RARB: variants seen among roughly 807,000 people sequenced by gnomAD.
RARB encodes the protein retinoic acid receptor beta, also known as HBV-activated protein.
A neutral mutation model predicts 51.9 loss-of-function variants in RARB; 17 were observed. The observed-to-expected ratio is 0.33, with a 90% CI of 0.22 to 0.49. The LOEUF is 0.49. Among genes scored for constraint, RARB ranks in the 20% least tolerant of loss-of-function variants. The pLI is 0.99. For synonymous variants in RARB, 215 were observed against 195.4 expected, an observed-to-expected ratio of 1.10 and a Z score of -0.84; for missense variants, 369 against 550.8, an observed-to-expected ratio of 0.67 and a Z score of 3.30.
chr3:25,545,085 C>T (rs1212113080), intron 3 of RARB, among the ~76,000 whole-genome samples: 1 of 152,086 alleles, frequency 6.6e-6, no homozygotes, highest in Non-Finnish European at 1.5e-5. Flanking sequence ...CCTCAGCCTC[C>T]AAAGTAGCCA....
chr3:25,246,411 T>C (rs897624982), intron 5 of RARB, among the ~76,000 whole-genome samples: 1 of 152,208 alleles, frequency 6.6e-6, no homozygotes, highest in African/African-American at 2.4e-5. Context: ...TTCTGGTTTT[T>C]GGAATTTTCC....
chr3:25,163,352 A>C (rs556573236), intron 4 of RARB, among the ~76,000 whole-genome samples: 1 of 151,886 alleles, frequency 6.6e-6, no homozygotes, highest in East Asian at 1.9e-4. Flanking sequence ...AAAAAAATAA[A>C]AAATTAGTTG....
intron 4 of RARB, among the ~76,000 whole-genome samples, chr3:25,576,440 A>G (rs938726932): frequency 2.6e-5 from 4 of 152,106 alleles, no homozygotes; most frequent in African/African-American, 9.7e-5. Flanking sequence ...GACATCCTCT[A>G]GGGCCTTGGA....
intron 2 of RARB, among the ~76,000 whole-genome samples, chr3:24,905,427 G>C (rs1694841077): frequency 6.6e-6 from 1 of 152,108 alleles, no homozygotes. Context: ...TTCTCACACT[G>C]CTCATCCTTC....
chr3:25,080,019 C>G (rs77805204), intron 3 of RARB, among the ~76,000 whole-genome samples: 2 of 152,152 alleles, frequency 1.3e-5, no homozygotes, highest in Non-Finnish European at 2.9e-5. Flanking sequence ...CAATGTTGTA[C>G]AACCATCATC....
At chr3:25,244,315 A>G (rs1385750270) in intron 5 of RARB, among the ~76,000 whole-genome samples, 3 of 146,762 alleles carry the variant, frequency 2.0e-5, no homozygotes, top group South Asian at 2.1e-4. Context: ...ATCTCCTTCA[A>G]TTCTGCTCTG....
chr3:24,968,271 C>A (rs886569993), intron 2 of RARB, among the ~76,000 whole-genome samples: 1 of 152,098 alleles, frequency 6.6e-6, no homozygotes, highest in African/African-American at 2.4e-5. Context: ...CCTCATAAAT[C>A]AGTTTTAAAG....
chr3:25,269,786 T>C (rs1254345998), intron 5 of RARB, among the ~76,000 whole-genome samples: 7 of 152,212 alleles, frequency 4.6e-5, no homozygotes, highest in Non-Finnish European at 1.0e-4. Flanking sequence ...AAAACATCTT[T>C]GTTAACAAAA....
intron 2 of RARB, among the ~76,000 whole-genome samples, chr3:25,000,987 A>G (rs914265192): frequency 1.3e-5 from 2 of 152,126 alleles, no homozygotes; most frequent in Admixed American, 1.3e-4. Context: ...AATTGAGCAG[A>G]ATTTGAAAGA....
intron 3 of RARB, among the ~76,000 whole-genome samples, chr3:25,555,239 C>CTAAAACACT: frequency 6.6e-6 from 1 of 152,288 alleles, no homozygotes; most frequent in Non-Finnish European, 1.5e-5. Context: ...TCCCTGATAT[C>CTAAAACACT]TAAAACACTT....
At chr3:25,296,942 G>A (rs747192888) in intron 5 of RARB, among the ~76,000 whole-genome samples, 3 of 152,186 alleles carry the variant, frequency 2.0e-5, no homozygotes, top group Admixed American at 6.5e-5. Flanking sequence ...TGGGCAGTCC[G>A]TGAGGCTCGT....
intron 3 of RARB, among the ~76,000 whole-genome samples, chr3:25,531,238 C>T (rs1698892082): frequency 6.6e-6 from 1 of 152,102 alleles, no homozygotes; most frequent in Non-Finnish European, 1.5e-5. Flanking sequence ...ATTCCGAAGA[C>T]CTGTGAACCA....
At chr3:24,931,604 G>A (rs1695441502) in intron 2 of RARB, among the ~76,000 whole-genome samples, 2 of 152,102 alleles carry the variant, frequency 1.3e-5, no homozygotes. Context: ...GTACAGCAAA[G>A]TGTGTGGTAC....
At chr3:25,458,166 A>G (rs1294606925) in intron 1 of RARB, 1 of 152,382 alleles carries the variant, frequency 6.6e-6, no homozygotes, top group East Asian at 1.9e-4. Context: ...TTTGAAGGAA[A>G]TAAAGATGTG....
intron 3 of RARB, among the ~76,000 whole-genome samples, chr3:25,560,296 CCT>C (rs1700220876): frequency 1.3e-5 from 2 of 152,150 alleles, no homozygotes; most frequent in Non-Finnish European, 2.9e-5. Context: ...GATATAAACA[CCT>C]ATATCTACAT....
chr3:24,837,961 G>A (rs1702365004), intron 1 of RARB, among the ~76,000 whole-genome samples: 1 of 152,120 alleles, frequency 6.6e-6, no homozygotes, highest in South Asian at 2.1e-4. Context: ...GTCCAGACAG[G>A]CTTACCAGGC....
intron 3 of RARB, among the ~76,000 whole-genome samples, chr3:25,567,387 A>G (rs542501148): frequency 1.3e-5 from 2 of 152,182 alleles, no homozygotes; most frequent in East Asian, 3.9e-4. Flanking sequence ...CATCCATATA[A>G]TTTAGAATCA....
intron 4 of RARB, among the ~76,000 whole-genome samples, chr3:25,161,868 C>T (rs1243832242): frequency 6.6e-6 from 1 of 152,184 alleles, no homozygotes; most frequent in Non-Finnish European, 1.5e-5. Flanking sequence ...CGACCTAACC[C>T]TGGCAGAGCC....
At chr3:25,237,549 G>T (rs1702333016) in intron 5 of RARB, among the ~76,000 whole-genome samples, 1 of 151,998 alleles carries the variant, frequency 6.6e-6, no homozygotes, top group Non-Finnish European at 1.5e-5. Context: ...TAAAACTTTT[G>T]ATTAGAAACT....
Sources: gnomAD v4.1 joint callset for allele counts (sites outside exome capture counted in the v4.1 genomes callset) on GRCh38, gnomAD v4.1.1 for gene constraint, MANE v1.5 for transcripts, NCBI Gene and HGNC (gene_info 2026-07-23, HGNC 2026-07-21) for gene names.